SC5D: variants seen among roughly 807,000 people sequenced by gnomAD.
SC5D encodes the protein sterol-C5-desaturase.
SC5D carries 21 observed loss-of-function variants against 23.9 expected under a neutral mutation model. The ratio of observed to expected loss-of-function variants is 0.88; its 90% confidence interval spans 0.62 to 1.26. The LOEUF (loss-of-function observed/expected upper bound fraction) is 1.26. Among genes scored for constraint, SC5D ranks in the 50% most tolerant of loss-of-function variants. The pLI, the probability that SC5D is intolerant of heterozygous loss-of-function variation, is 0.00. For missense variants in SC5D, 309 were observed against 364.8 expected (o/e 0.85, Z 1.25); for synonymous variants, 113 against 125.9 (o/e 0.90, Z 0.68).
chr11:121,306,272 A>G (rs1947963146), intron 3 of SC5D, 114 bp from the exon 4 acceptor site: 1 of 706,164 alleles, frequency 1.4e-6, no homozygotes, highest in East Asian at 2.7e-5. Context: ...AGAACAGATC[A>G]TTTATAATGT....
chr11:121,295,049 C>T (rs1947879357), intron 1 of SC5D, among the ~76,000 whole-genome samples: 2 of 152,182 alleles, frequency 1.3e-5, no homozygotes, highest in Non-Finnish European at 2.9e-5. Flanking sequence ...TTACATGTGG[C>T]CTATTGCTTA....
In SC5D at chr11:121,307,533, A is replaced by T. The variant is rs759878140; in HGVS notation, c.*21A>T. The T allele has an allele frequency of 8.8e-6, 13 of 1,480,136 alleles. No individual in the cohort carries two copies. Among genetic ancestry groups the T allele is most frequent in the Non-Finnish European group, 1.2e-5 (13 of 1,077,986 alleles). 91.7% of individuals were successfully genotyped at this position (1,480,136 alleles called of 1,614,324 possible). A position where few individuals can be genotyped will look rare whatever the true frequency, so the allele number is the denominator to read the frequency against. On this transcript the variant is annotated 3_prime_UTR_variant, in exon 5 of 5. Transcript: ENST00000264027. ...AATAGATTATTGCCCAGTTATTCTT[A>T]AGTAAGGACAAAGAAGGAAATATCA... is the stretch of plus-strand genomic sequence containing the variant.
chr11:121,307,649 C>T lies in SC5D; in HGVS notation c.*137C>T, dbSNP rs1008454073. 1.8e-5 allele frequency: 12 copies of T among 650,326 alleles called. No homozygotes were observed. Among genetic ancestry groups the T allele is most frequent in the African/African-American group, 1.8e-4 (10 of 54,798 alleles). 40.3% of individuals were successfully genotyped at this position (650,326 alleles called of 1,614,324 possible). ...ATCATTTGGAAATCAGCATCGTGGG[C>T]ACTGCTGAGGAATGATCCTAGTGGT... On this transcript the variant is annotated 3_prime_UTR_variant, in exon 5 of 5. Transcript: ENST00000264027.
intron 2 of SC5D, chr11:121,304,000 G>A (rs757374246): frequency 4.4e-5 from 11 of 250,946 alleles, no homozygotes; most frequent in African/African-American, 1.4e-4. Context: ...TTTAAATTTC[G>A]GTTGTTTGTA....
chr11:121,304,725 G>A lies in SC5D; in HGVS notation c.343+232G>A, dbSNP rs1380125070. On this transcript the variant is annotated intron_variant, in intron 3 of 4. Coordinates refer to ENST00000264027, the MANE Select transcript of SC5D (RefSeq NM_006918.5). ...TGAGATTGTGTCTGGCGGAAGATTG[G>A]AGTGATCAGAGATGGGTCCTTGCAT... is the stretch of plus-strand genomic sequence containing the variant. 8.3e-6 allele frequency: 4 copies of A among 481,496 alleles called. No homozygotes were observed. The East Asian group carries it at 1.6e-4, about 19-fold the overall frequency. The allele number at this position is 481,496 out of a possible 1,614,324, so 29.8% of individuals were successfully genotyped here.
At position 121,304,492 on chromosome 11, in the gene SC5D, T is replaced by C. The variant is rs1947948992; in HGVS notation, c.342T>C (p.Tyr114=). The change falls in exon 3 of 5, where the codon TAT becomes TAC. Residue 114 remains tyrosine (Y), a splice_region_variant and synonymous_variant. Coordinates refer to ENST00000264027, the MANE Select transcript of SC5D (RefSeq NM_006918.5). ...KLHDDLGEFP[Y]GLFELVVSII... is the part of the protein sequence containing the mutation. ...ATGATGACCTAGGAGAGTTTCCATA[T>C]GGTAAGTAAATAACACGAGTGTCAG... 3 of 1,613,506 alleles carry C rather than the reference T, an allele frequency of 1.9e-6. No individual in the cohort carries two copies. The highest frequency in any genetic ancestry group is 1.1e-5 in the South Asian group (1 of 91,074).
At chr11:121,303,163 C>T (rs1947937507) in intron 1 of SC5D, among the ~76,000 whole-genome samples, 1 of 152,160 alleles carries the variant, frequency 6.6e-6, no homozygotes, top group Non-Finnish European at 1.5e-5. Context: ...CATCCCCATA[C>T]ATAGTATGAA....
chr11:121,307,317 C>G lies in SC5D; in HGVS notation c.705C>G (p.Phe235Leu). The change falls in exon 5 of 5, where the codon TTC becomes TTG. Residue 235 changes from phenylalanine to leucine, a missense_variant. By Grantham distance (22) the Phe-to-Leu change is conservative. Coordinates refer to ENST00000264027, the MANE Select transcript of SC5D (RefSeq NM_006918.5). The stretch of plus-strand genomic sequence containing the variant: ...CTCATCATACAGACCACCATATGTT[C>G]TTTGACTATAATTATGGACAATATT... ...GSAHHTDHHM[F>L]FDYNYGQYFT... 2 of 1,614,138 alleles carry G rather than the reference C, an allele frequency of 1.2e-6. No individual in the cohort carries two copies. Among genetic ancestry groups the G allele is most frequent in the Non-Finnish European group, 1.7e-6 (2 of 1,180,004 alleles).
chr11:121,295,368 A>G (rs905640100), intron 1 of SC5D, among the ~76,000 whole-genome samples: 18 of 152,208 alleles, frequency 1.2e-4, no homozygotes, highest in Non-Finnish European at 2.5e-4. Flanking sequence ...AGAAGCAGAT[A>G]AGAGACAAAG....
Position 121,313,175 on chromosome 11 carries a change from AT to A in SC5D, c.*5666del, listed in dbSNP as rs1325899617. Among the ~76,000 whole-genome samples, 2 of 152,172 alleles carry A rather than the reference AT, an allele frequency of 1.3e-5. No individual in the cohort carries two copies. The highest frequency in any genetic ancestry group is 2.9e-5 in the Non-Finnish European group (2 of 68,014). ...ACTGGAAGGTTAGTTTTCTTCCCTG[AT>A]TTAGAATTTCATATAAATTAAATCA... is the stretch of plus-strand genomic sequence containing the variant. On this transcript the variant is annotated 3_prime_UTR_variant, in exon 5 of 5. Transcript: ENST00000264027.
chr11:121,294,273 A>G (rs1372595420), intron 1 of SC5D, among the ~76,000 whole-genome samples: 1 of 152,228 alleles, frequency 6.6e-6, no homozygotes, highest in African/African-American at 2.4e-5. Flanking sequence ...CCTTAAAATT[A>G]TATGAGCTTG....
chr11:121,303,643 A>G (rs750408118), intron 2 of SC5D, 58 bp downstream of exon 2: 2 of 1,372,212 alleles, frequency 1.5e-6, no homozygotes, highest in Non-Finnish European at 2.0e-6. Context: ...AATATGATAT[A>G]TTTCTGAGAT....
rs111603148 is a variant in SC5D, at chr11:121,301,121, A to G, written c.-10-2245A>G. On this transcript the variant is annotated intron_variant, in intron 1 of 4. Coordinates refer to ENST00000264027, the MANE Select transcript of SC5D (RefSeq NM_006918.5). The stretch of plus-strand genomic sequence containing the variant: ...ACAGGAAAGTATGGCCTGTACACAC[A>G]AAAAGGCAATCAGTCAGTAGAAACT... Among the ~76,000 whole-genome samples the G allele has an allele frequency of 1.0e-3, 157 of 152,288 alleles. 2 individuals carry two copies. The highest frequency in any genetic ancestry group is 6.8e-3 in the Middle Eastern group (2 of 294).
At chr11:121,294,930 C>T (rs891070409) in intron 1 of SC5D, among the ~76,000 whole-genome samples, 5 of 152,132 alleles carry the variant, frequency 3.3e-5, no homozygotes, top group African/African-American at 9.7e-5. Context: ...TCTGATATTA[C>T]GTAGTACCCT....
Position 121,307,155 on chromosome 11 carries a change from T to C in SC5D, c.543T>C (p.His181=). Residue 181 remains histidine (H), a synonymous_variant, in exon 5 of 5, where the codon CAT becomes CAC. Coordinates refer to ENST00000264027, the MANE Select transcript of SC5D (RefSeq NM_006918.5). Reference sequence around the variant, plus strand: ...GCTTTCTTCAGAGTCTACCTTACCATATATACCCTTTTATCTTTCCATTAC... The same window carrying C: ...GCTTTCTTCAGAGTCTACCTTACCACATATACCCTTTTATCTTTCCATTAC... ...IDGFLQSLPY[H]IYPFIFPLHK... is the part of the protein sequence containing the mutation. 6 of 1,614,118 alleles carry C rather than the reference T, an allele frequency of 3.7e-6. No homozygotes were observed. Among genetic ancestry groups the C allele is most frequent in the Non-Finnish European group, 5.1e-6 (6 of 1,179,940 alleles).
intron 1 of SC5D, among the ~76,000 whole-genome samples, chr11:121,294,503 A>G (rs1393212119): frequency 2.6e-5 from 4 of 152,120 alleles, no homozygotes; most frequent in Admixed American, 2.6e-4. Context: ...CCTACCTTTG[A>G]GGCTTCTTGA....
chr11:121,294,939 C>T (rs565756972), intron 1 of SC5D, among the ~76,000 whole-genome samples: 1 of 152,332 alleles, frequency 6.6e-6, no homozygotes, highest in Admixed American at 6.5e-5. Context: ...ACGTAGTACC[C>T]TGTCCCTGCT....
intron 3 of SC5D, 35 bp from the exon 4 acceptor site, chr11:121,306,350 AG>A: frequency 1.9e-6 from 2 of 1,055,198 alleles, no homozygotes; most frequent in Non-Finnish European, 3.0e-6. Flanking sequence ...CCAGGAGCTG[AG>A]TTTTGATTCT....
intron 3 of SC5D, 27 bp downstream of exon 3, chr11:121,304,520 A>G (rs1947949443): frequency 6.2e-7 from 1 of 1,609,012 alleles, no homozygotes; most frequent in Non-Finnish European, 8.5e-7. Flanking sequence ...AGTGTCAGGA[A>G]GAGAGTAGTC....
Sources: allele counts gnomAD v4.1 joint callset (sites outside exome capture counted in the v4.1 genomes callset), GRCh38; gene constraint gnomAD v4.1.1; transcripts MANE v1.5; gene names NCBI Gene and HGNC (gene_info 2026-07-23, HGNC 2026-07-21).